Variants in GRID2 observed in about 807,000 individuals in gnomAD.
GRID2 encodes the protein glutamate ionotropic receptor delta type subunit 2.
In GRID2, 33 loss-of-function variants were observed where a neutral mutation model predicts 114.8. That is an observed-to-expected ratio of 0.29 (90% CI 0.22 to 0.38). The LOEUF (loss-of-function observed/expected upper bound fraction) is 0.38. GRID2 is among the 10% of genes least tolerant of loss of function. GRID2 has a pLI of 1.00. For missense variants in GRID2, 1,184 were observed against 1,257.7 expected (o/e 0.94, Z 0.89); for synonymous variants, 505 against 449.9 (o/e 1.12, Z -1.55).
At chr4:93,096,619 A>G (rs1429494116) in intron 3 of GRID2, among the ~76,000 whole-genome samples, 3 of 152,024 alleles carry the variant, frequency 2.0e-5, no homozygotes, top group African/African-American at 2.4e-5. Flanking sequence ...TAGTCCACAG[A>G]AAAATGCAAA....
At chr4:92,969,739 A>T (rs969296945) in intron 2 of GRID2, among the ~76,000 whole-genome samples, 1 of 151,780 alleles carries the variant, frequency 6.6e-6, no homozygotes, top group South Asian at 2.1e-4. Flanking sequence ...GGATAATTAG[A>T]TTATTAAAAA....
At chr4:92,711,586 G>C (rs548967291) in intron 2 of GRID2, among the ~76,000 whole-genome samples, 1 of 152,192 alleles carries the variant, frequency 6.6e-6, no homozygotes, top group East Asian at 1.9e-4. Flanking sequence ...TCTGCTACCA[G>C]CTGGAGAAAA....
intron 12 of GRID2, among the ~76,000 whole-genome samples, chr4:93,503,568 A>G (rs1248427630): frequency 6.8e-6 from 1 of 146,598 alleles, no homozygotes; most frequent in East Asian, 2.1e-4. Context: ...GAGTGAGAAC[A>G]TGCGGTGTTC....
At chr4:92,713,008 T>G (rs921350846) in intron 2 of GRID2, among the ~76,000 whole-genome samples, 1 of 151,628 alleles carries the variant, frequency 6.6e-6, no homozygotes, top group African/African-American at 2.4e-5. Flanking sequence ...TTTTTTTTTT[T>G]ATTATACTTT....
At chr4:93,256,740 A>G (rs1181926097) in intron 8 of GRID2, among the ~76,000 whole-genome samples, 1 of 152,038 alleles carries the variant, frequency 6.6e-6, no homozygotes, top group East Asian at 1.9e-4. Context: ...AAAAGGCAAT[A>G]TAGACCAAAT....
chr4:92,554,509 T>C (rs1726756738), intron 1 of GRID2, among the ~76,000 whole-genome samples: 1 of 152,172 alleles, frequency 6.6e-6, no homozygotes, highest in Admixed American at 6.6e-5. Flanking sequence ...GTCAGTGACA[T>C]GAAAACATAT....
intron 2 of GRID2, among the ~76,000 whole-genome samples, chr4:92,736,594 C>T (rs891882318): frequency 6.6e-6 from 1 of 152,044 alleles, no homozygotes; most frequent in Non-Finnish European, 1.5e-5. Flanking sequence ...CCAAATACAA[C>T]AACATGCCTC....
intron 4 of GRID2, among the ~76,000 whole-genome samples, chr4:93,164,468 G>T (rs922203999): frequency 6.6e-6 from 1 of 152,078 alleles, no homozygotes; most frequent in Admixed American, 6.6e-5. Context: ...AGCTGAGATA[G>T]TCATAAAACA....
intron 2 of GRID2, among the ~76,000 whole-genome samples, chr4:92,900,871 C>T (rs996647614): frequency 2.1e-5 from 3 of 146,164 alleles, no homozygotes; most frequent in Non-Finnish European, 4.5e-5. Flanking sequence ...TAATGCCTTA[C>T]AGTTTCATCC....
At chr4:93,717,973 G>A (rs1361163160) in intron 14 of GRID2, among the ~76,000 whole-genome samples, 1 of 152,204 alleles carries the variant, frequency 6.6e-6, no homozygotes, top group East Asian at 1.9e-4. Context: ...AGTACAAAGT[G>A]GGCTGGGTGC....
intron 11 of GRID2, among the ~76,000 whole-genome samples, chr4:93,482,844 A>T (rs1055966882): frequency 3.3e-5 from 5 of 151,954 alleles, no homozygotes; most frequent in African/African-American, 1.2e-4. Context: ...TGTTGTAGAA[A>T]ATCTACCCTA....
At chr4:93,007,504 AC>A (rs1721669590) in intron 2 of GRID2, among the ~76,000 whole-genome samples, 1 of 152,164 alleles carries the variant, frequency 6.6e-6, no homozygotes, top group Non-Finnish European at 1.5e-5. Context: ...GAGCTAAGGT[AC>A]CTTTCTGGCA....
At chr4:93,357,320 A>G (rs1761431079) in intron 8 of GRID2, among the ~76,000 whole-genome samples, 2 of 151,426 alleles carry the variant, frequency 1.3e-5, no homozygotes, top group Admixed American at 1.3e-4. Flanking sequence ...TTATTTATGC[A>G]TATTTTTCTT....
At chr4:93,293,115 C>T (rs993463461) in intron 8 of GRID2, among the ~76,000 whole-genome samples, 1 of 152,142 alleles carries the variant, frequency 6.6e-6, no homozygotes, top group Non-Finnish European at 1.5e-5. Flanking sequence ...TCTTAACCAC[C>T]CATCCTCCCC....
At chr4:93,315,549 ATT>A (rs1465313559) in intron 8 of GRID2, among the ~76,000 whole-genome samples, 2 of 152,074 alleles carry the variant, frequency 1.3e-5, no homozygotes, top group African/African-American at 4.8e-5. Context: ...TATGTTTATT[ATT>A]GTTTGTCTCA....
At chr4:92,383,351 AGT>A (rs1262685798) in intron 1 of GRID2, among the ~76,000 whole-genome samples, 4 of 152,060 alleles carry the variant, frequency 2.6e-5, no homozygotes, top group Non-Finnish European at 5.9e-5. Flanking sequence ...TTAGTTTCTA[AGT>A]ATTGTAATTC....
chr4:93,662,202 G>A (rs761624605), intron 14 of GRID2, among the ~76,000 whole-genome samples: 11 of 151,810 alleles, frequency 7.2e-5, no homozygotes, highest in Non-Finnish European at 1.3e-4. Flanking sequence ...AAATGTCACC[G>A]TCTCACTGCG....
intron 8 of GRID2, among the ~76,000 whole-genome samples, chr4:93,341,423 C>A (rs1042195784): frequency 2.6e-5 from 4 of 152,070 alleles, no homozygotes; most frequent in African/African-American, 9.7e-5. Flanking sequence ...CTCCTGGGTA[C>A]AAGCAACTCT....
intron 2 of GRID2, among the ~76,000 whole-genome samples, chr4:93,078,388 A>C (rs952151210): frequency 1.3e-5 from 2 of 151,942 alleles, no homozygotes; most frequent in African/African-American, 4.8e-5. Flanking sequence ...AAACATTCAT[A>C]TGAATATCTT....
Sources: allele counts gnomAD v4.1 joint callset (sites outside exome capture counted in the v4.1 genomes callset), GRCh38; gene constraint gnomAD v4.1.1; transcripts MANE v1.5; gene names NCBI Gene and HGNC (gene_info 2026-07-23, HGNC 2026-07-21).